Variants in NIBAN1 observed in about 807,000 individuals in gnomAD.
NIBAN1 encodes protein Niban 1.
NIBAN1 carries 81 observed loss-of-function variants against 75.1 expected under a neutral mutation model. That is an observed-to-expected ratio of 1.08 (90% CI 0.90 to 1.30). The LOEUF is 1.30. Among genes scored for constraint, NIBAN1 ranks in the 50% most tolerant of loss-of-function variants. NIBAN1 has a pLI of 0.00. For missense variants in NIBAN1, 1,133 were observed against 1,128.1 expected (o/e 1.00, Z -0.06); for synonymous variants, 436 against 424.8 (o/e 1.03, Z -0.32).
chr1:184,973,185 G>A (rs929530609), intron 1 of NIBAN1, among the ~76,000 whole-genome samples: 9 of 152,320 alleles, frequency 5.9e-5, no homozygotes, highest in African/African-American at 1.9e-4. Flanking sequence ...GACAGTACAG[G>A]TTGTTGAGGA....
intron 5 of NIBAN1, among the ~76,000 whole-genome samples, chr1:184,853,713 AC>A (rs1655603291): frequency 1.3e-5 from 2 of 152,008 alleles, no homozygotes; most frequent in African/African-American, 4.8e-5. Context: ...ATACATACAC[AC>A]ACCTGTGCGC....
At position 184,893,764 on chromosome 1, in the gene NIBAN1, T is replaced by C. The variant is rs139060355; in HGVS notation, c.318+311A>G. ...ATGCCAAATACTGGTCCTTCTGTCT[T>C]CATACTCACTTGCAATCACTTGTTC... On this transcript the variant is annotated intron_variant, in intron 3 of 13. Transcript: ENST00000367511. Among the ~76,000 whole-genome samples, 302 of 152,336 alleles carry C rather than the reference T, an allele frequency of 2.0e-3. 2 individuals carry two copies. Among genetic ancestry groups the C allele is most frequent in the African/African-American group, 6.9e-3 (287 of 41,572 alleles).
intron 1 of NIBAN1, among the ~76,000 whole-genome samples, chr1:184,958,127 G>A (rs1267093675): frequency 6.6e-6 from 1 of 152,140 alleles, no homozygotes; most frequent in African/African-American, 2.4e-5. Context: ...AGCATTTTGG[G>A]AGGCCAAGGC....
chr1:184,798,417 T>G (rs1040650467), intron 12 of NIBAN1, among the ~76,000 whole-genome samples: 1 of 152,250 alleles, frequency 6.6e-6, no homozygotes, highest in African/African-American at 2.4e-5. Flanking sequence ...CATCTATTAC[T>G]GTCCATGATA....
intron 9 of NIBAN1, among the ~76,000 whole-genome samples, chr1:184,810,534 T>C (rs1229918753): frequency 6.6e-6 from 1 of 152,190 alleles, no homozygotes; most frequent in African/African-American, 2.4e-5. Context: ...TCAGATAAAA[T>C]TGAAAACCTA....
intron 3 of NIBAN1, among the ~76,000 whole-genome samples, chr1:184,891,810 A>G (rs554128104): frequency 6.6e-6 from 1 of 152,338 alleles, no homozygotes; most frequent in African/African-American, 2.4e-5. Flanking sequence ...CTTAGATATA[A>G]TTTTATAAGA....
At chr1:184,866,712 G>A (rs1655967506) in intron 5 of NIBAN1, among the ~76,000 whole-genome samples, 1 of 152,106 alleles carries the variant, frequency 6.6e-6, no homozygotes, top group South Asian at 2.1e-4. Context: ...TATGGAACTA[G>A]AAATCAGAAG....
chr1:184,943,083 G>T (rs948459156), intron 1 of NIBAN1, among the ~76,000 whole-genome samples: 2 of 152,172 alleles, frequency 1.3e-5, no homozygotes, highest in Non-Finnish European at 2.9e-5. Context: ...TTAATGATCT[G>T]CTGAAAGCTT....
intron 4 of NIBAN1, among the ~76,000 whole-genome samples, 177 bp from the exon 5 acceptor site, chr1:184,884,977 C>CT (rs1338673325): frequency 1.3e-5 from 2 of 152,222 alleles, no homozygotes; most frequent in Non-Finnish European, 2.9e-5. Flanking sequence ...CCTCCACCAG[C>CT]TTCCCCTGTC....
intron 1 of NIBAN1, among the ~76,000 whole-genome samples, chr1:184,933,380 A>G (rs561278982): frequency 6.6e-6 from 1 of 152,374 alleles, no homozygotes; most frequent in African/African-American, 2.4e-5. Context: ...CTTAATTGCT[A>G]CATTTTCCGC....
chr1:184,954,495 CAGGGCCTCTTTTATCT>C, intron 1 of NIBAN1, among the ~76,000 whole-genome samples: 1 of 152,280 alleles, frequency 6.6e-6, no homozygotes, highest in Middle Eastern at 3.4e-3. Flanking sequence ...CAAATGACCT[CAGGGCCTCTTTTATCT>C]GGGTTAATGA....
intron 5 of NIBAN1, among the ~76,000 whole-genome samples, chr1:184,834,731 T>A (rs952002501): frequency 1.3e-5 from 2 of 152,212 alleles, no homozygotes; most frequent in African/African-American, 4.8e-5. Context: ...TTTATTTAAG[T>A]TCTTTGTAGA....
intron 1 of NIBAN1, among the ~76,000 whole-genome samples, chr1:184,903,808 C>G (rs1310480117): frequency 7.0e-6 from 1 of 143,842 alleles, no homozygotes; most frequent in African/African-American, 2.6e-5. Flanking sequence ...GCAATCACAG[C>G]TCACTGCAGC....
chr1:184,833,876 T>C (rs1655065113), intron 5 of NIBAN1, among the ~76,000 whole-genome samples: 1 of 151,796 alleles, frequency 6.6e-6, no homozygotes, highest in South Asian at 2.1e-4. Flanking sequence ...TTTTCGATTA[T>C]ACTTTAAGTT....
At chr1:184,885,079 C>T (rs540120390) in intron 4 of NIBAN1, among the ~76,000 whole-genome samples, 172 of 152,242 alleles carry the variant, frequency 1.1e-3, no homozygotes, top group Non-Finnish European at 1.9e-3. Flanking sequence ...GACAGAGTCT[C>T]GCTCTGTCAC....
chr1:184,937,826 C>T (rs1657999603), intron 1 of NIBAN1, among the ~76,000 whole-genome samples: 2 of 152,182 alleles, frequency 1.3e-5, no homozygotes, highest in African/African-American at 4.8e-5. Flanking sequence ...GAGACAAAGA[C>T]CACCCACCTT....
At chr1:184,891,839 AAAG>A in intron 3 of NIBAN1, among the ~76,000 whole-genome samples, 1 of 152,370 alleles carries the variant, frequency 6.6e-6, no homozygotes, top group East Asian at 1.9e-4. Context: ...TAAATTAAAA[AAAG>A]AAGATATTAT....
intron 1 of NIBAN1, among the ~76,000 whole-genome samples, chr1:184,901,197 A>G (rs1382177724): frequency 6.6e-6 from 1 of 152,178 alleles, no homozygotes; most frequent in Non-Finnish European, 1.5e-5. Flanking sequence ...GAATTCTTTC[A>G]TATTCACTTC....
chr1:184,859,288 A>G (rs1655755488), intron 5 of NIBAN1, among the ~76,000 whole-genome samples: 1 of 152,150 alleles, frequency 6.6e-6, no homozygotes, highest in Admixed American at 6.5e-5. Flanking sequence ...TTCATTCATT[A>G]TTTGGCTCAA....
Sources: gnomAD v4.1 joint callset for allele counts (sites outside exome capture counted in the v4.1 genomes callset) on GRCh38, gnomAD v4.1.1 for gene constraint, MANE v1.5 for transcripts, NCBI Gene and HGNC (gene_info 2026-07-23, HGNC 2026-07-21) for gene names.